The following RABGAP1L variants were observed in gnomAD, a reference collection of about 807,000 sequenced individuals.
RABGAP1L encodes the protein rab GTPase-activating protein 1-like.
A neutral mutation model predicts 137.7 loss-of-function variants in RABGAP1L; 63 were observed. That is an observed-to-expected ratio of 0.46 (90% CI 0.37 to 0.56). The LOEUF is 0.56. RABGAP1L is among the 20% of genes least tolerant of loss of function. The pLI is 0.00. For missense variants in RABGAP1L, 1,095 were observed against 1,244.0 expected (o/e 0.88, Z 1.80); for synonymous variants, 431 against 433.7 (o/e 0.99, Z 0.08).
intron 17 of RABGAP1L, among the ~76,000 whole-genome samples, chr1:174,736,942 T>C (rs762343071): frequency 1.3e-5 from 2 of 152,214 alleles, no homozygotes; most frequent in Non-Finnish European, 2.9e-5. Context: ...AAGCCATTCT[T>C]TCTTCCTAGG....
At chr1:174,850,180 A>G (rs1464491951) in intron 19 of RABGAP1L, 6 of 410,374 alleles carry the variant, frequency 1.5e-5, no homozygotes, top group South Asian at 8.0e-5. Context: ...TCCTCATAAC[A>G]TGATGCCCTC....
chr1:174,238,415 CT>C (rs1276695426), intron 4 of RABGAP1L, among the ~76,000 whole-genome samples: 1 of 152,084 alleles, frequency 6.6e-6, no homozygotes, highest in Non-Finnish European at 1.5e-5. Context: ...TACTTTTGGT[CT>C]TTGATGATGG....
rs1175034257 is a variant in RABGAP1L, at chr1:174,991,006, A to G, written c.*1005A>G. Reference sequence around the variant, plus strand: ...GGGAAATAGAGGTCAGGCTCACATCATCTTAGTTTAATGCTGGGCAACTTT... The same window carrying G: ...GGGAAATAGAGGTCAGGCTCACATCGTCTTAGTTTAATGCTGGGCAACTTT... On this transcript the variant is annotated 3_prime_UTR_variant, in exon 26 of 26. Transcript: ENST00000681986. 2 of 152,216 alleles carry G rather than the reference A, an allele frequency of 1.3e-5. No homozygotes were observed. The highest frequency in any genetic ancestry group is 2.9e-5 in the Non-Finnish European group (2 of 68,018). 9.4% of individuals were successfully genotyped at this position (152,216 alleles called of 1,614,324 possible).
chr1:174,847,171 C>G (rs540791165), intron 19 of RABGAP1L, among the ~76,000 whole-genome samples: 272 of 149,920 alleles, frequency 1.8e-3, no homozygotes, highest in Non-Finnish European at 2.9e-3. Context: ...TGGGTCTTGA[C>G]TCTTTATCCA....
intron 7 of RABGAP1L, among the ~76,000 whole-genome samples, chr1:174,252,980 C>T (rs941789906): frequency 1.3e-5 from 2 of 152,100 alleles, no homozygotes; most frequent in African/African-American, 4.8e-5. Context: ...AATACATACA[C>T]ATATACTTGT....
intron 19 of RABGAP1L, among the ~76,000 whole-genome samples, chr1:174,883,610 G>A (rs549726910): frequency 1.3e-5 from 2 of 152,220 alleles, no homozygotes; most frequent in Admixed American, 6.5e-5. Context: ...ACCAATAGAA[G>A]GGAGTATATA....
intron 17 of RABGAP1L, among the ~76,000 whole-genome samples, chr1:174,744,067 A>AC (rs1458446171): frequency 2.2e-5 from 3 of 135,354 alleles, no homozygotes; most frequent in African/African-American, 8.4e-5. Context: ...ATACAAGGCT[A>AC]CTATGTTGGT....
At chr1:174,479,088 T>G (rs1025462569) in intron 13 of RABGAP1L, among the ~76,000 whole-genome samples, 1 of 152,220 alleles carries the variant, frequency 6.6e-6, no homozygotes, top group Non-Finnish European at 1.5e-5. Flanking sequence ...TTGAACAATG[T>G]GTCTAAGGCT....
chr1:174,984,057 CAAAAA>C (rs1163719976), intron 24 of RABGAP1L, among the ~76,000 whole-genome samples: 21 of 115,034 alleles, frequency 1.8e-4, no homozygotes, highest in African/African-American at 3.7e-4. Context: ...TTTCTTCTAA[CAAAAA>C]AAAAAAAAAA....
intron 13 of RABGAP1L, among the ~76,000 whole-genome samples, chr1:174,590,133 T>C (rs1307596420): frequency 2.6e-4 from 30 of 115,708 alleles, no homozygotes; most frequent in African/African-American, 3.5e-4. Flanking sequence ...CTTTTTTTTT[T>C]TTTTTTTTTT....
intron 11 of RABGAP1L, among the ~76,000 whole-genome samples, chr1:174,365,772 T>C (rs1302692893): frequency 6.6e-6 from 1 of 152,202 alleles, no homozygotes; most frequent in Non-Finnish European, 1.5e-5. Flanking sequence ...AATGCCTCTT[T>C]TGGTAATACA....
At chr1:174,925,744 T>C (rs1224059609) in intron 19 of RABGAP1L, among the ~76,000 whole-genome samples, 1 of 152,096 alleles carries the variant, frequency 6.6e-6, no homozygotes, top group East Asian at 1.9e-4. Flanking sequence ...TTTTTTTGAA[T>C]ATTTGTTTTT....
At chr1:174,542,300 C>T (rs1665535291) in intron 13 of RABGAP1L, among the ~76,000 whole-genome samples, 2 of 152,148 alleles carry the variant, frequency 1.3e-5, no homozygotes, top group Non-Finnish European at 2.9e-5. Context: ...AGGGATTCAA[C>T]TTCTTCCTGG....
chr1:174,259,148 C>T (rs1373959440), intron 7 of RABGAP1L, among the ~76,000 whole-genome samples: 1 of 151,906 alleles, frequency 6.6e-6, no homozygotes, highest in Non-Finnish European at 1.5e-5. Flanking sequence ...TGTGTGCATC[C>T]AAGGGTTTAA....
At chr1:174,733,384 C>T (rs542579319) in intron 17 of RABGAP1L, among the ~76,000 whole-genome samples, 322 of 152,256 alleles carry the variant, frequency 2.1e-3, no homozygotes, top group Non-Finnish European at 2.5e-3. Flanking sequence ...CTGCCTGCTT[C>T]GTTTCTCTCT....
chr1:174,603,406 G>C (rs995055335), intron 13 of RABGAP1L, among the ~76,000 whole-genome samples: 1 of 152,108 alleles, frequency 6.6e-6, no homozygotes, highest in South Asian at 2.1e-4. Flanking sequence ...AGTCAGACCC[G>C]AATCCAGCAC....
At chr1:174,964,729 T>C (rs1248322928) in intron 20 of RABGAP1L, 4 of 1,163,990 alleles carry the variant, frequency 3.4e-6, no homozygotes, top group Middle Eastern at 3.2e-4. Context: ...TTTGAAGATA[T>C]GAGTCTTCCT....
intron 17 of RABGAP1L, among the ~76,000 whole-genome samples, chr1:174,726,711 C>A (rs1347734180): frequency 6.6e-6 from 1 of 151,934 alleles, no homozygotes; most frequent in Admixed American, 6.6e-5. Context: ...ATGGTGCCAT[C>A]TGCTGTTTGT....
At chr1:174,521,239 T>G (rs1663356698) in intron 13 of RABGAP1L, among the ~76,000 whole-genome samples, 1 of 152,240 alleles carries the variant, frequency 6.6e-6, no homozygotes, top group South Asian at 2.1e-4. Context: ...GCAGATTATT[T>G]AGTAATATTC....
Sources: gnomAD v4.1 joint callset for allele counts (sites outside exome capture counted in the v4.1 genomes callset) on GRCh38, gnomAD v4.1.1 for gene constraint, MANE v1.5 for transcripts, NCBI Gene and HGNC (gene_info 2026-07-23, HGNC 2026-07-21) for gene names.